The following N4BP1 variants were observed in gnomAD, a reference collection of about 807,000 sequenced individuals.
N4BP1 encodes NEDD4 binding protein 1.
A neutral mutation model predicts 70.9 loss-of-function variants in N4BP1; 21 were observed. The observed-to-expected ratio is 0.30, with a 90% CI of 0.21 to 0.43. The LOEUF is 0.43. N4BP1 is among the 20% of genes least tolerant of loss of function. The pLI, the probability that N4BP1 is intolerant of heterozygous loss-of-function variation, is 1.00. For missense variants in N4BP1, 936 were observed against 1,069.4 expected (o/e 0.88, Z 1.74); for synonymous variants, 387 against 394.6 (o/e 0.98, Z 0.23).
chr16:48,557,313 A>G (rs188652306), intron 2 of N4BP1, among the ~76,000 whole-genome samples: 11 of 152,320 alleles, frequency 7.2e-5, no homozygotes, highest in African/African-American at 9.6e-5. Context: ...TAAGTATCCA[A>G]TGATGCGTTG....
chr16:48,570,171 G>A, intron 1 of N4BP1, among the ~76,000 whole-genome samples: 1 of 151,608 alleles, frequency 6.6e-6, no homozygotes. Context: ...AAGGGGTGGG[G>A]GTGGGCTCAC....
intron 1 of N4BP1, among the ~76,000 whole-genome samples, chr16:48,593,505 T>C (rs145665319): frequency 3.0e-4 from 45 of 152,304 alleles, no homozygotes; most frequent in African/African-American, 1.1e-3. Context: ...TTATAAAAAA[T>C]TAATGTGTGC....
At chr16:48,546,436 T>G (rs1597089887) in intron 5 of N4BP1, 182 bp from the exon 6 acceptor site, 1 of 405,454 alleles carries the variant, frequency 2.5e-6, no homozygotes, top group East Asian at 3.6e-5. Context: ...ATTTCTGTTT[T>G]GGACACAAAA....
At chr16:48,572,396 C>A (rs552927974) in intron 1 of N4BP1, among the ~76,000 whole-genome samples, 12 of 151,972 alleles carry the variant, frequency 7.9e-5, no homozygotes, top group African/African-American at 2.4e-4. Context: ...AAGAATGTCA[C>A]AAATTATCAA....
At chr16:48,588,983 T>C (rs1376243596) in intron 1 of N4BP1, among the ~76,000 whole-genome samples, 1 of 152,188 alleles carries the variant, frequency 6.6e-6, no homozygotes, top group Non-Finnish European at 1.5e-5. Flanking sequence ...CCAATGTACA[T>C]CCTAGGAGAA....
chr16:48,557,321 T>C (rs546293690), intron 2 of N4BP1, among the ~76,000 whole-genome samples: 2 of 152,298 alleles, frequency 1.3e-5, no homozygotes, highest in African/African-American at 4.8e-5. Flanking sequence ...CAATGATGCG[T>C]TGGCCTGAAA....
intron 1 of N4BP1, among the ~76,000 whole-genome samples, chr16:48,596,170 A>G (rs768318037): frequency 1.9e-4 from 29 of 152,204 alleles, no homozygotes; most frequent in Non-Finnish European, 3.1e-4. Flanking sequence ...AAACTATAGT[A>G]TGCCTGTTAT....
chr16:48,547,088 AAC>A (rs1459640429), intron 5 of N4BP1, among the ~76,000 whole-genome samples: 1 of 152,260 alleles, frequency 6.6e-6, no homozygotes, highest in African/African-American at 2.4e-5. Context: ...GGGCATTCAT[AAC>A]ACAGAATCTT....
At chr16:48,586,198 T>A (rs1467116635) in intron 1 of N4BP1, among the ~76,000 whole-genome samples, 2 of 152,214 alleles carry the variant, frequency 1.3e-5, no homozygotes, top group Non-Finnish European at 2.9e-5. Flanking sequence ...CCAGGTGGTG[T>A]GCATTCATAG....
chr16:48,596,441 A>G (rs1597112592), intron 1 of N4BP1, among the ~76,000 whole-genome samples: 1 of 152,308 alleles, frequency 6.6e-6, no homozygotes, highest in African/African-American at 2.4e-5. Context: ...CTTTGTGGTC[A>G]ACACCTTCCC....
At chr16:48,609,255 T>G (rs1269278623) in intron 1 of N4BP1, among the ~76,000 whole-genome samples, 1 of 152,320 alleles carries the variant, frequency 6.6e-6, no homozygotes, top group Non-Finnish European at 1.5e-5. Flanking sequence ...CCTTTCTTTC[T>G]GACATTCTCC....
intron 1 of N4BP1, among the ~76,000 whole-genome samples, chr16:48,605,077 G>A (rs1365376338): frequency 1.3e-5 from 2 of 151,704 alleles, no homozygotes; most frequent in Non-Finnish European, 2.9e-5. Flanking sequence ...TCGTTGCCCA[G>A]GCTGGAGTGC....
chr16:48,583,357 TACAA>T (rs1256862546), intron 1 of N4BP1, among the ~76,000 whole-genome samples: 3 of 152,174 alleles, frequency 2.0e-5, no homozygotes, highest in Non-Finnish European at 4.4e-5. Flanking sequence ...GTTGGTCTCC[TACAA>T]ACAGAGAGAA....
chr16:48,567,311 C>T (rs1963957048), intron 1 of N4BP1, among the ~76,000 whole-genome samples: 1 of 152,040 alleles, frequency 6.6e-6, no homozygotes, highest in Non-Finnish European at 1.5e-5. Context: ...TAATAATTTA[C>T]CTACTGCATT....
At chr16:48,601,628 T>C (rs889798793) in intron 1 of N4BP1, among the ~76,000 whole-genome samples, 2 of 152,230 alleles carry the variant, frequency 1.3e-5, no homozygotes, top group African/African-American at 4.8e-5. Flanking sequence ...TATCAAGTAA[T>C]GTAAATTACT....
chr16:48,592,309 C>T (rs528790169), intron 1 of N4BP1, among the ~76,000 whole-genome samples: 8 of 152,262 alleles, frequency 5.3e-5, no homozygotes, highest in African/African-American at 1.2e-4. Flanking sequence ...AGCATTGCAC[C>T]GTTTTCTCCA....
Position 48,558,493 on chromosome 16 carries a change from C to T in N4BP1, c.1889+2261G>A, listed in dbSNP as rs537596529. Among the ~76,000 whole-genome samples the T allele has an allele frequency of 1.4e-4, 21 of 152,218 alleles. No individual in the cohort carries two copies. The South Asian group carries it at 4.1e-3, about 30-fold the overall frequency. On this transcript the variant is annotated intron_variant, in intron 2 of 6. Transcript: ENST00000262384. ...ACTAGATTTGCAAAACATCCTGTCA[C>T]GGATAGGCAGCACCACTCTAAATTC...
At chr16:48,586,440 G>T (rs968728274) in intron 1 of N4BP1, among the ~76,000 whole-genome samples, 5 of 152,048 alleles carry the variant, frequency 3.3e-5, no homozygotes, top group Admixed American at 6.6e-5. Flanking sequence ...TCTTTTTCCA[G>T]TTGTTTTCTC....
intron 4 of N4BP1, among the ~76,000 whole-genome samples, chr16:48,548,522 C>T (rs1396962187): frequency 6.6e-6 from 1 of 152,146 alleles, no homozygotes; most frequent in African/African-American, 2.4e-5. Flanking sequence ...TTAGTACAAT[C>T]AGCCTTACAA....
Sources: gnomAD v4.1 joint callset for allele counts (sites outside exome capture counted in the v4.1 genomes callset) on GRCh38, gnomAD v4.1.1 for gene constraint, MANE v1.5 for transcripts, NCBI Gene and HGNC (gene_info 2026-07-23, HGNC 2026-07-21) for gene names.